Variants in PDGFRL observed in about 807,000 individuals in gnomAD.
The protein encoded by PDGFRL is platelet-derived growth factor receptor-like protein.
Under a neutral mutation model 37.2 loss-of-function variants are expected in PDGFRL, and 46 were observed. That is an observed-to-expected ratio of 1.24 (90% CI 0.98 to 1.58). The LOEUF (loss-of-function observed/expected upper bound fraction) is 1.58, where lower values mean the gene tolerates loss of function less well. PDGFRL is among the 40% of genes most tolerant of loss of function. The probability of loss-of-function intolerance (pLI) is 0.00; values close to 1 mark genes in which losing one functional copy is unlikely to be tolerated. For missense variants in PDGFRL, 692 were observed against 467.6 expected (o/e 1.48, Z -4.43); for synonymous variants, 251 against 184.3 (o/e 1.36, Z -2.93).
At chr8:17,581,986 A>T (rs1021952263) in intron 1 of PDGFRL, among the ~76,000 whole-genome samples, 11 of 152,208 alleles carry the variant, frequency 7.2e-5, no homozygotes, top group African/African-American at 1.9e-4. Flanking sequence ...TGGAGGGCTC[A>T]GAAGAAAACA....
chr8:17,635,697 CCA>C (rs1804958519), intron 5 of PDGFRL, among the ~76,000 whole-genome samples: 1 of 152,138 alleles, frequency 6.6e-6, no homozygotes, highest in African/African-American at 2.4e-5. Flanking sequence ...TAAGGAATCT[CCA>C]CAGTTTTCCA....
chr8:17,587,208 C>A (rs1388174939), intron 1 of PDGFRL, among the ~76,000 whole-genome samples: 2 of 152,100 alleles, frequency 1.3e-5, no homozygotes, highest in Non-Finnish European at 2.9e-5. Flanking sequence ...GTTAGATCAG[C>A]TGGTGGGGCT....
chr8:17,585,371 G>T (rs1803793409), intron 1 of PDGFRL, among the ~76,000 whole-genome samples: 1 of 151,860 alleles, frequency 6.6e-6, no homozygotes, highest in African/African-American at 2.4e-5. Context: ...GAGTCTCTCT[G>T]GTTCGAATCT....
intron 4 of PDGFRL, among the ~76,000 whole-genome samples, chr8:17,629,305 C>T (rs1017517444): frequency 6.6e-6 from 1 of 151,970 alleles, no homozygotes; most frequent in Non-Finnish European, 1.5e-5. Context: ...TTGTTATGAC[C>T]CTGACCGAAA....
At chr8:17,582,560 G>T (rs1803729533) in intron 1 of PDGFRL, among the ~76,000 whole-genome samples, 1 of 134,058 alleles carries the variant, frequency 7.5e-6, no homozygotes, top group African/African-American at 2.8e-5. Flanking sequence ...GCAGCCTGGT[G>T]ACAGAGTGAG....
At chr8:17,601,693 C>T (rs1262868345) in intron 2 of PDGFRL, among the ~76,000 whole-genome samples, 1 of 152,110 alleles carries the variant, frequency 6.6e-6, no homozygotes, top group Admixed American at 6.6e-5. Context: ...ATGGTTAGCT[C>T]CCCTTTAAAA....
chr8:17,628,636 A>G lies in PDGFRL; in HGVS notation c.655A>G (p.Asn219Asp). Residue 219 changes from asparagine (N) to aspartate (D), a missense_variant, in exon 4 of 6, where the codon AAT becomes GAT. By Grantham distance (23) the Asn-to-Asp change is conservative (BLOSUM62 1). Coordinates refer to ENST00000251630, the MANE Select transcript of PDGFRL (RefSeq NM_001372073.1). Reference protein sequence around the residue: ...REFPAKEIPANGTDIVYDMKR... With the variant: ...REFPAKEIPADGTDIVYDMKR... ...ATTCCCAGCCAAGGAGATCCCAGCC[A>G]ATGGAACGGACATTGTTTATGACAT... 6.2e-7 allele frequency: 1 copy of G among 1,614,194 alleles called. No individual in the cohort carries two copies. Among genetic ancestry groups the G allele is most frequent in the Non-Finnish European group, 8.5e-7 (1 of 1,180,032 alleles).
At chr8:17,578,682 C>A (rs2720574) in intron 1 of PDGFRL, among the ~76,000 whole-genome samples, 4 of 152,108 alleles carry the variant, frequency 2.6e-5, no homozygotes, top group East Asian at 3.9e-4. Flanking sequence ...CCCAACTTGC[C>A]AGTCTTAGAG....
intron 1 of PDGFRL, among the ~76,000 whole-genome samples, chr8:17,581,483 C>T (rs1241333365): frequency 1.3e-5 from 2 of 152,088 alleles, no homozygotes; most frequent in Non-Finnish European, 1.5e-5. Flanking sequence ...TGGTTTGCCC[C>T]CACCACATCT....
chr8:17,589,818 A>G (rs1043117628), intron 2 of PDGFRL, 53 bp downstream of exon 2: 6 of 1,052,460 alleles, frequency 5.7e-6, no homozygotes, highest in Non-Finnish European at 8.4e-6. Context: ...AATAGTTAAC[A>G]AAATTCCTTC....
chr8:17,601,828 C>T (rs1344264166), intron 2 of PDGFRL, among the ~76,000 whole-genome samples: 1 of 152,168 alleles, frequency 6.6e-6, no homozygotes, highest in Non-Finnish European at 1.5e-5. Context: ...TGTAGTATTC[C>T]ATGGTGTGTA....
At chr8:17,632,079 C>G (rs1042815492) in intron 4 of PDGFRL, among the ~76,000 whole-genome samples, 2 of 152,226 alleles carry the variant, frequency 1.3e-5, no homozygotes, top group African/African-American at 4.8e-5. Flanking sequence ...GGACCTGGTT[C>G]TTCCTCCTCC....
intron 5 of PDGFRL, among the ~76,000 whole-genome samples, chr8:17,634,982 TA>T (rs759933210): frequency 6.3e-4 from 95 of 151,316 alleles, no homozygotes; most frequent in African/African-American, 2.2e-3. Context: ...GGTTTTTTTT[TA>T]AAAAAAAGGA....
chr8:17,606,445 CA>C (rs1804278894), intron 2 of PDGFRL, among the ~76,000 whole-genome samples: 1 of 152,130 alleles, frequency 6.6e-6, no homozygotes, highest in Non-Finnish European at 1.5e-5. Flanking sequence ...AGTGGCCAGT[CA>C]AAAGGAAACG....
At chr8:17,583,620 A>C (rs1035671733) in intron 1 of PDGFRL, among the ~76,000 whole-genome samples, 5 of 152,090 alleles carry the variant, frequency 3.3e-5, no homozygotes, top group African/African-American at 1.2e-4. Context: ...CTCATGTTGA[A>C]ATTTGATCAC....
At chr8:17,593,116 G>T (rs1803978049) in intron 2 of PDGFRL, among the ~76,000 whole-genome samples, 2 of 152,102 alleles carry the variant, frequency 1.3e-5, no homozygotes, top group Admixed American at 1.3e-4. Context: ...CTTCTTAAAG[G>T]TGAGTGGGCT....
chr8:17,628,965 G>A lies in PDGFRL; in HGVS notation c.799+185G>A, dbSNP rs116839944. Among the ~76,000 whole-genome samples, 442 of 151,968 alleles carry A rather than the reference G, an allele frequency of 2.9e-3. 3 individuals are homozygous for A. The highest frequency in any genetic ancestry group is 9.6e-3 in the African/African-American group (397 of 41,426). On this transcript the variant is annotated intron_variant, in intron 4 of 5. Transcript: ENST00000251630. ...AGGGTCCCGTTTTGTTGCCCAGGCT[G>A]GAATGCAGTGGCACAACCATTTTCT...
At chr8:17,633,662 G>C (rs111732680) in intron 4 of PDGFRL, among the ~76,000 whole-genome samples, 2 of 152,310 alleles carry the variant, frequency 1.3e-5, no homozygotes, top group African/African-American at 4.8e-5. Flanking sequence ...TAGATTTTCT[G>C]TTCGTCTTCT....
chr8:17,628,570 C>T lies in PDGFRL; in HGVS notation c.589C>T (p.Arg197Trp), dbSNP rs1332404466. The T allele has an allele frequency of 8.1e-6, 13 of 1,614,004 alleles. No individual in the cohort carries two copies. Among genetic ancestry groups the T allele is most frequent in the Non-Finnish European group, 1.0e-5 (12 of 1,179,878 alleles). The change falls in exon 4 of 6, where the codon CGG (arginine) becomes TGG (tryptophan). Residue 197 changes from arginine to tryptophan, a missense_variant. Physicochemically the swap from Arg to Trp is moderately radical, Grantham distance 101. Coordinates refer to ENST00000251630, the MANE Select transcript of PDGFRL (RefSeq NM_001372073.1). The part of the protein sequence containing the change: ...NPDRQAVVPC[R>W]VTVLSAKVTL... ...GGACAGACAGGCTGTGGTTCCTTGT[C>T]GGGTGACCGTGCTGTCGGCCAAAGT...
Sources: allele counts gnomAD v4.1 joint callset (sites outside exome capture counted in the v4.1 genomes callset), GRCh38; gene constraint gnomAD v4.1.1; transcripts MANE v1.5; gene names NCBI Gene and HGNC (gene_info 2026-07-23, HGNC 2026-07-21).